The following SEZ6L variants were observed in gnomAD, a reference collection of about 807,000 sequenced individuals.
SEZ6L encodes the protein seizure 6-like protein.
SEZ6L carries 37 observed loss-of-function variants against 106.2 expected under a neutral mutation model. That is an observed-to-expected ratio of 0.35 (90% CI 0.27 to 0.46). The LOEUF is 0.46. Ranked by LOEUF, SEZ6L falls within the 20% of genes least tolerant of loss-of-function variation. The pLI is 1.00. For synonymous variants in SEZ6L, 541 were observed against 570.4 expected (o/e 0.95, Z 0.73); for missense variants, 1,172 against 1,332.8 (o/e 0.88, Z 1.88).
intron 6 of SEZ6L, 71 bp downstream of exon 6, chr22:26,306,215 A>G (rs1306452627): frequency 1.2e-5 from 18 of 1,538,848 alleles, no homozygotes; most frequent in Non-Finnish European, 1.4e-5. Context: ...GAGGACTTGG[A>G]GTCTTGAAAT....
At chr22:26,359,096 C>G (rs2083531413) in intron 12 of SEZ6L, among the ~76,000 whole-genome samples, 1 of 152,188 alleles carries the variant, frequency 6.6e-6, no homozygotes, top group African/African-American at 2.4e-5. Context: ...CAGACACAGG[C>G]CTCCAGTTTC....
intron 1 of SEZ6L, among the ~76,000 whole-genome samples, chr22:26,205,498 A>G (rs1007658344): frequency 6.6e-6 from 1 of 152,188 alleles, no homozygotes; most frequent in African/African-American, 2.4e-5. Flanking sequence ...AAAGCTTTCT[A>G]ACTACACCAT....
intron 1 of SEZ6L, among the ~76,000 whole-genome samples, chr22:26,261,801 AAAT>A (rs1448006332): frequency 2.0e-5 from 3 of 152,170 alleles, no homozygotes; most frequent in Non-Finnish European, 4.4e-5. Context: ...AATGGGGATG[AAAT>A]AATAAAAAGT....
chr22:26,279,884 G>A (rs564828804), intron 1 of SEZ6L, among the ~76,000 whole-genome samples: 142 of 152,316 alleles, frequency 9.3e-4, no homozygotes, highest in African/African-American at 3.1e-3. Context: ...TAGAAAACCT[G>A]AGAAGGCTGG....
At chr22:26,284,224 A>G (rs902302538) in intron 1 of SEZ6L, among the ~76,000 whole-genome samples, 2 of 152,190 alleles carry the variant, frequency 1.3e-5, no homozygotes, top group Non-Finnish European at 2.9e-5. Context: ...AACAGTTCTG[A>G]CTCCCAATCT....
At chr22:26,293,421 C>T (rs2081202651) in intron 2 of SEZ6L, among the ~76,000 whole-genome samples, 1 of 152,236 alleles carries the variant, frequency 6.6e-6, no homozygotes, top group South Asian at 2.1e-4. Context: ...GCCTCAAACT[C>T]CTGTGCTCAA....
At chr22:26,227,126 G>A (rs185267304) in intron 1 of SEZ6L, among the ~76,000 whole-genome samples, 1 of 152,290 alleles carries the variant, frequency 6.6e-6, no homozygotes, top group Admixed American at 6.5e-5. Flanking sequence ...CGCAGTGTCT[G>A]GCACATAGTA....
chr22:26,372,623 T>C (rs1228544924), intron 13 of SEZ6L, among the ~76,000 whole-genome samples: 1 of 152,186 alleles, frequency 6.6e-6, no homozygotes, highest in Non-Finnish European at 1.5e-5. Context: ...AATTTTTTCA[T>C]CAAAGTCCTT....
At chr22:26,333,980 G>A (rs11705436) in intron 9 of SEZ6L, among the ~76,000 whole-genome samples, 2,050 of 119,548 alleles carry the variant, frequency 0.017, 17 homozygotes, top group Non-Finnish European at 0.028. Flanking sequence ...TAAAACAATG[G>A]CTTGGAAGAG....
At chr22:26,313,659 A>C in intron 8 of SEZ6L, 105 bp from the exon 9 acceptor site, 123 of 1,361,790 alleles carry the variant, frequency 9.0e-5, no homozygotes, top group Non-Finnish European at 1.2e-4. Context: ...CACAGTACAC[A>C]GAGATTCACG....
At position 26,273,013 on chromosome 22, in the gene SEZ6L, T is replaced by C. The variant is rs143606678; in HGVS notation, c.95-19393T>C. ...CAATGCATGTAAAACACTTAGCACA[T>C]TGTAAGGCTGAAAAAGTGGTAGCCA... is the stretch of plus-strand genomic sequence containing the variant. On this transcript the variant is annotated intron_variant, in intron 1 of 16. Transcript: ENST00000248933. Among the ~76,000 whole-genome samples the C allele has an allele frequency of 9.8e-5, 15 of 152,300 alleles. No homozygotes were observed. In the East Asian group the frequency reaches 2.9e-3, roughly 29 times the overall value.
chr22:26,307,408 A>G (rs1293925792), intron 6 of SEZ6L, among the ~76,000 whole-genome samples: 6 of 152,080 alleles, frequency 3.9e-5, no homozygotes, highest in Non-Finnish European at 4.4e-5. Context: ...ACTTTGATCT[A>G]AGAATTCTAA....
At chr22:26,257,783 G>A (rs71321082) in intron 1 of SEZ6L, among the ~76,000 whole-genome samples, 1 of 152,150 alleles carries the variant, frequency 6.6e-6, no homozygotes, top group African/African-American at 2.4e-5. Context: ...CACCGATCTG[G>A]AGGGAGTTGC....
chr22:26,341,457 G>C (rs1225742732), intron 10 of SEZ6L, among the ~76,000 whole-genome samples: 1 of 151,908 alleles, frequency 6.6e-6, no homozygotes. Context: ...GCTCCATCCT[G>C]GACTGTATCC....
chr22:26,373,616 A>G, intron 14 of SEZ6L, 133 bp downstream of exon 14: 1 of 728,056 alleles, frequency 1.4e-6, no homozygotes, highest in Non-Finnish European at 2.2e-6. Flanking sequence ...GCCAAAGATA[A>G]TCTTAAAATA....
chr22:26,209,558 G>A (rs2078084572), intron 1 of SEZ6L, among the ~76,000 whole-genome samples: 1 of 146,890 alleles, frequency 6.8e-6, no homozygotes, highest in African/African-American at 2.5e-5. Flanking sequence ...GAGGGAGGGA[G>A]GAGAGAAGGA....
intron 1 of SEZ6L, among the ~76,000 whole-genome samples, chr22:26,264,377 C>T (rs1173888842): frequency 6.6e-6 from 1 of 152,204 alleles, no homozygotes; most frequent in Non-Finnish European, 1.5e-5. Flanking sequence ...ATCACTTAAC[C>T]TCTCTGAGCT....
At chr22:26,235,156 T>A (rs1280411337) in intron 1 of SEZ6L, among the ~76,000 whole-genome samples, 1 of 152,168 alleles carries the variant, frequency 6.6e-6, no homozygotes, top group East Asian at 1.9e-4. Context: ...CTATTGGCAT[T>A]TGGGGTTGGA....
chr22:26,249,967 T>A (rs1329170882), intron 1 of SEZ6L, among the ~76,000 whole-genome samples: 1 of 152,222 alleles, frequency 6.6e-6, no homozygotes, highest in African/African-American at 2.4e-5. Flanking sequence ...TTTACATGTC[T>A]TATTTTGGGA....
Sources: gnomAD v4.1 joint callset for allele counts (sites outside exome capture counted in the v4.1 genomes callset) on GRCh38, gnomAD v4.1.1 for gene constraint, MANE v1.5 for transcripts, NCBI Gene and HGNC (gene_info 2026-07-23, HGNC 2026-07-21) for gene names.